Variants in TESK2 observed in about 807,000 individuals in gnomAD.
The protein encoded by TESK2 is dual specificity testis-specific protein kinase 2.
Under a neutral mutation model 57.1 loss-of-function variants are expected in TESK2, and 39 were observed. The ratio of observed to expected loss-of-function variants is 0.68; its 90% confidence interval spans 0.53 to 0.89. TESK2 has a LOEUF of 0.89. Ranked by LOEUF, TESK2 falls within the 40% of genes least tolerant of loss-of-function variation. TESK2 has a pLI of 0.00. For missense variants in TESK2, 646 were observed against 732.1 expected, an observed-to-expected ratio of 0.88 and a Z score of 1.36; for synonymous variants, 249 against 267.9, an observed-to-expected ratio of 0.93 and a Z score of 0.69.
intron 1 of TESK2, among the ~76,000 whole-genome samples, chr1:45,463,419 T>C (rs1432857455): frequency 1.3e-5 from 2 of 152,182 alleles, no homozygotes; most frequent in Non-Finnish European, 2.9e-5. Flanking sequence ...ATTAGGTTTT[T>C]CTTCTGCATA....
intron 3 of TESK2, chr1:45,398,834 G>T (rs1038038644): frequency 2.6e-6 from 1 of 388,790 alleles, no homozygotes; most frequent in Non-Finnish European, 4.9e-6. Context: ...TTCTAGGCCT[G>T]TTCCATAAAA....
At position 45,347,601 on chromosome 1, in the gene TESK2, A is replaced by G. The variant is rs1350078768; in HGVS notation, c.708+8T>C. 1.9e-6 allele frequency: 3 copies of G among 1,613,148 alleles called. 1 individual carries two copies. The Admixed American group carries it at 5.0e-5, about 27-fold the overall frequency. ...GGAGAATCAGGCCTTGAGATCCTCC[A>G]AACTTACCTTTTCATTATAGGGCTC... On this transcript the variant is annotated splice_region_variant and intron_variant, in intron 7 of 10. Coordinates refer to ENST00000372086, the MANE Select transcript of TESK2 (RefSeq NM_007170.3).
intron 2 of TESK2, among the ~76,000 whole-genome samples, chr1:45,438,302 C>A (rs557247351): frequency 3.3e-5 from 5 of 152,092 alleles, no homozygotes; most frequent in Non-Finnish European, 7.4e-5. Context: ...TCGAGACCAA[C>A]CTGGCCAACA....
At chr1:45,453,105 G>C (rs1244858271) in intron 2 of TESK2, among the ~76,000 whole-genome samples, 1 of 152,012 alleles carries the variant, frequency 6.6e-6, no homozygotes, top group African/African-American at 2.4e-5. Context: ...CCAGCACTTT[G>C]GGAGGCAGAG....
intron 4 of TESK2, among the ~76,000 whole-genome samples, chr1:45,361,971 C>CA (rs967306389): frequency 2.0e-5 from 3 of 151,448 alleles, no homozygotes; most frequent in East Asian, 1.9e-4. Context: ...GACCCCCACT[C>CA]AAAAAAAAGA....
chr1:45,401,077 C>G (rs1194308619), intron 3 of TESK2, among the ~76,000 whole-genome samples: 2 of 139,780 alleles, frequency 1.4e-5, no homozygotes, highest in African/African-American at 5.2e-5. Flanking sequence ...TAGTCTAAAA[C>G]ATATCCTTAC....
chr1:45,421,954 TA>T, intron 2 of TESK2, 108 bp from the exon 3 acceptor site: 3 of 1,126,032 alleles, frequency 2.7e-6, no homozygotes, highest in Non-Finnish European at 3.8e-6. Context: ...CCACTTTAGA[TA>T]AAATATACAT....
chr1:45,489,447 C>T (rs1653626650), intron 1 of TESK2, among the ~76,000 whole-genome samples: 1 of 152,216 alleles, frequency 6.6e-6, no homozygotes, highest in Admixed American at 6.5e-5. Context: ...CAAGCTTTCT[C>T]CCAATTTTCA....
intron 1 of TESK2, among the ~76,000 whole-genome samples, chr1:45,458,805 GAAGT>G (rs1652220142): frequency 1.3e-5 from 2 of 152,080 alleles, no homozygotes; most frequent in African/African-American, 2.4e-5. Context: ...CAGTCCAGTA[GAAGT>G]AACTATAGAA....
At chr1:45,346,312 T>C (rs953437393) in intron 9 of TESK2, among the ~76,000 whole-genome samples, 2 of 152,156 alleles carry the variant, frequency 1.3e-5, no homozygotes, top group African/African-American at 4.8e-5. Context: ...CACCTACCCC[T>C]TGATCCTAAC....
intron 3 of TESK2, among the ~76,000 whole-genome samples, chr1:45,390,890 G>A (rs1015866466): frequency 8.7e-5 from 13 of 149,266 alleles, no homozygotes; most frequent in Non-Finnish European, 1.6e-4. Flanking sequence ...TTACAGGCGT[G>A]AGCCATTGCA....
At chr1:45,429,811 A>G (rs1431724463) in intron 2 of TESK2, among the ~76,000 whole-genome samples, 1 of 152,154 alleles carries the variant, frequency 6.6e-6, no homozygotes, top group Non-Finnish European at 1.5e-5. Flanking sequence ...TACACAAAAG[A>G]AGTAGCCTGA....
At chr1:45,400,557 T>G (rs1289151810) in intron 3 of TESK2, among the ~76,000 whole-genome samples, 2 of 152,364 alleles carry the variant, frequency 1.3e-5, no homozygotes, top group Middle Eastern at 3.4e-3. Context: ...AAACAAATTT[T>G]AGACTTTAAC....
intron 3 of TESK2, among the ~76,000 whole-genome samples, chr1:45,416,227 C>A (rs575234794): frequency 3.8e-4 from 58 of 151,424 alleles, no homozygotes; most frequent in African/African-American, 1.4e-3. Flanking sequence ...GGGCTACAGG[C>A]GCACACCACC....
At chr1:45,459,265 C>G (rs935355668) in intron 1 of TESK2, among the ~76,000 whole-genome samples, 4 of 151,974 alleles carry the variant, frequency 2.6e-5, no homozygotes, top group African/African-American at 7.3e-5. Flanking sequence ...GCCTGGAAGG[C>G]AGAAGAAGTC....
intron 3 of TESK2, among the ~76,000 whole-genome samples, chr1:45,388,252 T>G (rs1478248338): frequency 6.6e-6 from 1 of 152,188 alleles, no homozygotes; most frequent in Non-Finnish European, 1.5e-5. Context: ...TTATGCAGAA[T>G]GTGGTTAAAT....
At chr1:45,437,086 C>A (rs1000209049) in intron 2 of TESK2, among the ~76,000 whole-genome samples, 1 of 152,170 alleles carries the variant, frequency 6.6e-6, no homozygotes, top group African/African-American at 2.4e-5. Flanking sequence ...TGAGCCGCTG[C>A]GCCTGACCCA....
intron 4 of TESK2, among the ~76,000 whole-genome samples, chr1:45,369,036 T>A (rs1251175032): frequency 6.6e-6 from 1 of 152,182 alleles, no homozygotes; most frequent in Non-Finnish European, 1.5e-5. Flanking sequence ...ATTATGGGTA[T>A]GAGCCACCAG....
At chr1:45,406,314 A>C (rs2149281983) in intron 3 of TESK2, among the ~76,000 whole-genome samples, 1 of 152,316 alleles carries the variant, frequency 6.6e-6, no homozygotes, top group South Asian at 2.1e-4. Flanking sequence ...CTGCCAACTA[A>C]ATGTTAGGGC....
Sources: allele counts gnomAD v4.1 joint callset (sites outside exome capture counted in the v4.1 genomes callset), GRCh38; gene constraint gnomAD v4.1.1; transcripts MANE v1.5; gene names NCBI Gene and HGNC (gene_info 2026-07-23, HGNC 2026-07-21).